Variants in KIF2A observed in about 807,000 individuals in gnomAD.
The protein encoded by KIF2A is kinesin-like protein KIF2A.
KIF2A carries 22 observed loss-of-function variants against 100.2 expected under a neutral mutation model. The observed-to-expected ratio is 0.22, with a 90% CI of 0.16 to 0.31. The LOEUF is 0.31. KIF2A is among the 10% of genes least tolerant of loss of function. The pLI is 1.00. For missense variants in KIF2A, 495 were observed against 898.7 expected (o/e 0.55, Z 5.74); for synonymous variants, 268 against 285.9 (o/e 0.94, Z 0.63).
intron 1 of KIF2A, among the ~76,000 whole-genome samples, chr5:62,320,157 CT>C (rs2111804120): frequency 6.6e-6 from 1 of 152,146 alleles, no homozygotes; most frequent in East Asian, 1.9e-4. Flanking sequence ...TCTTGGAGAA[CT>C]TTTGAGTAGA....
intron 1 of KIF2A, among the ~76,000 whole-genome samples, chr5:62,331,896 A>G (rs1461600400): frequency 6.6e-6 from 1 of 152,066 alleles, no homozygotes; most frequent in African/African-American, 2.4e-5. Flanking sequence ...CTACTACTAT[A>G]TTTTCTTAAT....
chr5:62,313,117 A>G (rs185852475), intron 1 of KIF2A, among the ~76,000 whole-genome samples: 9 of 152,326 alleles, frequency 5.9e-5, no homozygotes, highest in African/African-American at 9.6e-5. Context: ...TAAAGCAAAA[A>G]TAGTTCCTGC....
At chr5:62,382,412 G>A (rs1250716642) in intron 20 of KIF2A, among the ~76,000 whole-genome samples, 2 of 152,080 alleles carry the variant, frequency 1.3e-5, no homozygotes, top group Non-Finnish European at 2.9e-5. Context: ...CTGCACTCTG[G>A]TTTGGGCAAC....
At chr5:62,351,431 T>C (rs766689505) in intron 4 of KIF2A, among the ~76,000 whole-genome samples, 12 of 152,192 alleles carry the variant, frequency 7.9e-5, no homozygotes, top group Non-Finnish European at 1.8e-4. Flanking sequence ...ACATAAAAAT[T>C]GTGTAGTTAA....
chr5:62,364,667 G>C (rs1430623799), intron 14 of KIF2A, among the ~76,000 whole-genome samples: 1 of 152,138 alleles, frequency 6.6e-6, no homozygotes, highest in Non-Finnish European at 1.5e-5. Context: ...ACTTTTTACA[G>C]TTATCCTACT....
At position 62,363,691 on chromosome 5, in the gene KIF2A, G is replaced by A. The variant is rs1341545371; in HGVS notation, c.1263-4G>A. 1.9e-6 allele frequency: 3 copies of A among 1,611,874 alleles called. No individual in the cohort carries two copies. The highest frequency in any genetic ancestry group is 1.3e-5 in the African/African-American group (1 of 74,846). ...GTATCAAGATGTCCTTAATCACATT[G>A]TAGAACATCCGGTCAAACATCTGCA... On this transcript the variant is annotated splice_region_variant and splice_polypyrimidine_tract_variant and intron_variant, in intron 13 of 20. Coordinates refer to ENST00000407818, the MANE Select transcript of KIF2A (RefSeq NM_001098511.3).
intron 3 of KIF2A, 105 bp from the exon 4 acceptor site, chr5:62,349,961 T>G: frequency 4.5e-6 from 3 of 673,986 alleles, no homozygotes; most frequent in Non-Finnish European, 7.6e-6. Context: ...TTGTTTTATA[T>G]TCTTACATGT....
chr5:62,313,598 C>T (rs1245980372), intron 1 of KIF2A, among the ~76,000 whole-genome samples: 1 of 151,952 alleles, frequency 6.6e-6, no homozygotes, highest in Non-Finnish European at 1.5e-5. Context: ...CGTGGTCCAC[C>T]CACCTCAGCC....
chr5:62,309,465 A>G (rs1745460774), intron 1 of KIF2A, among the ~76,000 whole-genome samples: 1 of 152,220 alleles, frequency 6.6e-6, no homozygotes, highest in African/African-American at 2.4e-5. Context: ...GTGTTTCACA[A>G]TAGAAATTGA....
At chr5:62,361,407 A>C (rs1207994736) in intron 10 of KIF2A, 59 bp from the exon 11 acceptor site, 1 of 1,426,342 alleles carries the variant, frequency 7.0e-7, no homozygotes, top group African/African-American at 1.4e-5. Flanking sequence ...TCTGTGAACT[A>C]AATTCTTAAG....
At chr5:62,384,384 T>C (rs1263474297) in intron 20 of KIF2A, among the ~76,000 whole-genome samples, 1 of 152,226 alleles carries the variant, frequency 6.6e-6, no homozygotes, top group Non-Finnish European at 1.5e-5. Context: ...ATTCCAACTT[T>C]ATTCTGAAGT....
rs750108492 is a variant in KIF2A at position 62,373,740 on chromosome 5, T to C, written c.1814T>C (p.Met605Thr). Residue 605 changes from methionine (M) to threonine (T), a missense_variant, in exon 18 of 21, where the codon ATG becomes ACG. Coordinates refer to ENST00000407818, the MANE Select transcript of KIF2A (RefSeq NM_001098511.3). The stretch of plus-strand genomic sequence containing the variant: ...GCTGCTGGTGATGTTCGTCCAATAA[T>C]GCACCATCCACCAAACCAGATTGAT... ...PTAAGDVRPI[M>T]HHPPNQIDDL... 3.1e-6 allele frequency: 5 copies of C among 1,613,462 alleles called. No individual in the cohort carries two copies. In the South Asian group the frequency reaches 3.3e-5, roughly 11 times the overall value.
chr5:62,384,084 A>G (rs1741908831), intron 20 of KIF2A, among the ~76,000 whole-genome samples: 1 of 152,128 alleles, frequency 6.6e-6, no homozygotes, highest in Non-Finnish European at 1.5e-5. Context: ...TAAAAATACA[A>G]AAATTAGCCA....
chr5:62,328,276 C>T (rs770122743), intron 1 of KIF2A, among the ~76,000 whole-genome samples: 1 of 148,282 alleles, frequency 6.7e-6, no homozygotes, highest in Non-Finnish European at 1.5e-5. Flanking sequence ...ATTTAGTTAA[C>T]TTATTTAGTA....
chr5:62,367,508 C>T (rs1323475785), intron 16 of KIF2A, among the ~76,000 whole-genome samples: 6 of 152,118 alleles, frequency 3.9e-5, no homozygotes, highest in Non-Finnish European at 2.9e-5. Flanking sequence ...CTCAGGTGAT[C>T]CACCTGCCTC....
At chr5:62,373,650 G>A in intron 17 of KIF2A, 37 bp from the exon 18 acceptor site, 1 of 1,529,138 alleles carries the variant, frequency 6.5e-7, no homozygotes, top group Non-Finnish European at 9.0e-7. Flanking sequence ...CTCTGCATGA[G>A]TGTTTTTAAC....
intron 20 of KIF2A, among the ~76,000 whole-genome samples, chr5:62,383,918 A>AT (rs1175694241): frequency 3.9e-5 from 6 of 152,258 alleles, no homozygotes; most frequent in Middle Eastern, 3.4e-3. Context: ...AGTCCTTAGA[A>AT]TTTTTTTAAC....
In KIF2A at chr5:62,353,328, G is replaced by C. The variant is rs757923895; in HGVS notation, c.511G>C (p.Glu171Gln). Residue 171 changes from glutamate to glutamine, a missense_variant, in exon 6 of 21, where the codon GAG becomes CAG. Physicochemically the swap from Glu to Gln is conservative, Grantham distance 29 (BLOSUM62 2). Around this residue, in one of 10 missense-constraint regions of KIF2A, gnomAD observed 109 missense variants for 244.2 expected, o/e 0.45. Coordinates refer to ENST00000407818, the MANE Select transcript of KIF2A (RefSeq NM_001098511.3). ...KEVEKLQEKREKRRLQQQELR... is the reference protein window; with the variant it reads ...KEVEKLQEKRQKRRLQQQELR... ...AGTAGAAAAACTGCAAGAAAAACGA[G>C]AGAAAAGGAGATTGCAACAGCAAGA... 1 of 1,581,032 alleles carries C rather than the reference G, an allele frequency of 6.3e-7. No individual in the cohort carries two copies. Among genetic ancestry groups the C allele is most frequent in the East Asian group, 2.3e-5 (1 of 43,938 alleles).
chr5:62,345,153 C>T (rs532479232), intron 1 of KIF2A, among the ~76,000 whole-genome samples: 15 of 151,896 alleles, frequency 9.9e-5, no homozygotes, highest in Non-Finnish European at 1.2e-4. Context: ...TTTGGGAGGC[C>T]GAGGAGGGCA....
Sources: gnomAD v4.1 joint callset for allele counts (sites outside exome capture counted in the v4.1 genomes callset) on GRCh38, gnomAD v4.1.1 for gene constraint, gnomAD v4.1.1 regional missense constraint, MANE v1.5 for transcripts, NCBI Gene and HGNC (gene_info 2026-07-23, HGNC 2026-07-21) for gene names.